The following AFAP1L2 variants were observed in gnomAD, a reference collection of about 807,000 sequenced individuals.
AFAP1L2 encodes the protein actin filament associated protein 1 like 2, also known as actin filament-associated protein 1-like 2.
Under a neutral mutation model 99.3 loss-of-function variants are expected in AFAP1L2, and 46 were observed. The observed-to-expected ratio is 0.46, with a 90% CI of 0.37 to 0.59. The LOEUF (loss-of-function observed/expected upper bound fraction) is 0.59, where lower values mean the gene tolerates loss of function less well. Among genes scored for constraint, AFAP1L2 ranks in the 20% least tolerant of loss-of-function variants. AFAP1L2 has a pLI of 0.00. For synonymous variants in AFAP1L2, 397 were observed against 419.1 expected (o/e 0.95, Z 0.64); for missense variants, 959 against 1,034.9 (o/e 0.93, Z 1.01).
chr10:114,391,034 G>A (rs1226042628), intron 1 of AFAP1L2, among the ~76,000 whole-genome samples: 1 of 151,990 alleles, frequency 6.6e-6, no homozygotes, highest in Non-Finnish European at 1.5e-5. Flanking sequence ...AATGTGCCTT[G>A]TATATCCTAA....
chr10:114,285,952 C>T, the AFAP1L2 span: 1 of 1,596,692 alleles, frequency 6.3e-7, no homozygotes, highest in South Asian at 1.1e-5. Context: ...TGAAGCTGAG[C>T]CTGGAATGCA....
intron 1 of AFAP1L2, among the ~76,000 whole-genome samples, chr10:114,388,167 C>A (rs1011888405): frequency 6.6e-6 from 1 of 152,170 alleles, no homozygotes; most frequent in Admixed American, 6.5e-5. Context: ...AGTGGCCACT[C>A]AGATGGGTGG....
At chr10:114,299,172 G>T (rs2040718238) in intron 16 of AFAP1L2, 88 bp downstream of exon 16, 1 of 1,507,034 alleles carries the variant, frequency 6.6e-7, no homozygotes, top group East Asian at 2.3e-5. Flanking sequence ...GATTGAGAAG[G>T]TGTGGTGACA....
chr10:114,307,969 G>A, intron 9 of AFAP1L2, 60 bp from the exon 10 acceptor site: 2 of 1,494,322 alleles, frequency 1.3e-6, no homozygotes, highest in African/African-American at 1.4e-5. Context: ...GTGCCCATGA[G>A]AGATGGAAAA....
At chr10:114,384,383 G>A (rs2056214163) in intron 1 of AFAP1L2, among the ~76,000 whole-genome samples, 1 of 151,572 alleles carries the variant, frequency 6.6e-6, no homozygotes, top group African/African-American at 2.4e-5. Flanking sequence ...CAGGCTCTCT[G>A]AGAAGGGCCA....
intron 1 of AFAP1L2, among the ~76,000 whole-genome samples, chr10:114,360,019 T>C (rs2052014793): frequency 6.6e-6 from 1 of 152,220 alleles, no homozygotes; most frequent in Non-Finnish European, 1.5e-5. Flanking sequence ...TCAACTTCAC[T>C]GGGTCACAGG....
downstream of AFAP1L2, chr10:114,290,040 A>G (rs2039410745): frequency 3.6e-6 from 2 of 560,478 alleles, no homozygotes; most frequent in Admixed American, 3.3e-5. Flanking sequence ...CGTCTGAGCA[A>G]TGGACTCTCC....
chr10:114,349,075 G>A (rs2050035872), intron 1 of AFAP1L2, among the ~76,000 whole-genome samples: 1 of 152,064 alleles, frequency 6.6e-6, no homozygotes, highest in African/African-American at 2.4e-5. Flanking sequence ...TGGACAGTAA[G>A]AGTGCAGAAG....
chr10:114,354,088 G>A (rs991641841), intron 1 of AFAP1L2, among the ~76,000 whole-genome samples: 5 of 152,120 alleles, frequency 3.3e-5, no homozygotes, highest in African/African-American at 9.7e-5. Context: ...CGGAACCTTC[G>A]CGCCTGAGTC....
At chr10:114,357,713 C>T (rs1253043031) in intron 1 of AFAP1L2, among the ~76,000 whole-genome samples, 3 of 152,132 alleles carry the variant, frequency 2.0e-5, no homozygotes, top group Non-Finnish European at 4.4e-5. Flanking sequence ...AAGAAGAATG[C>T]ATGTTGCAAT....
rs562376183 is a variant in AFAP1L2 at position 114,308,630 on chromosome 10, G to A, written c.883-113C>T. 38 of 916,196 alleles carry A rather than the reference G, an allele frequency of 4.1e-5. No individual in the cohort carries two copies. In the African/African-American group the frequency reaches 4.8e-4, roughly 11 times the overall value. The allele number at this position is 916,196 out of a possible 1,614,324, so 56.8% of individuals were successfully genotyped here. A position where few individuals can be genotyped will look rare whatever the true frequency, so the allele number is the denominator to read the frequency against. ...CTTGGTTGTATGCCAGAGGTCAGCT[G>A]AGCAAATCCCTGCCGGCCACCTAAA... On this transcript the variant is annotated intron_variant, in intron 8 of 18. Transcript: ENST00000304129.
chr10:114,285,893 C>T, the AFAP1L2 span: 2 of 1,529,228 alleles, frequency 1.3e-6, no homozygotes, highest in East Asian at 2.3e-5. Context: ...AGCTCGCATG[C>T]CGCATGACCA....
At chr10:114,341,561 TGAG>T (rs1241412233) in intron 1 of AFAP1L2, among the ~76,000 whole-genome samples, 1 of 149,396 alleles carries the variant, frequency 6.7e-6, no homozygotes, top group Non-Finnish European at 1.5e-5. Context: ...TGCAGTGAGC[TGAG>T]ATCACACCAC....
intron 1 of AFAP1L2, among the ~76,000 whole-genome samples, chr10:114,352,309 C>A (rs1056269360): frequency 2.0e-5 from 3 of 151,726 alleles, no homozygotes. Context: ...CCCGTCTCTA[C>A]TAAAAATACA....
At chr10:114,292,385 A>T (rs960384792), downstream of AFAP1L2, among the ~76,000 whole-genome samples, 1 of 152,108 alleles carries the variant, frequency 6.6e-6, no homozygotes, top group Non-Finnish European at 1.5e-5. Flanking sequence ...TTAAACTCAA[A>T]AATATAGGAT....
downstream of AFAP1L2, among the ~76,000 whole-genome samples, chr10:114,294,331 A>G (rs910011812): frequency 1.3e-5 from 2 of 152,234 alleles, no homozygotes; most frequent in African/African-American, 4.8e-5. Context: ...TGATATATTC[A>G]TAGTATTTTT....
intron 10 of AFAP1L2, 149 bp from the exon 11 acceptor site, chr10:114,305,079 G>C: frequency 1.6e-6 from 1 of 627,072 alleles, no homozygotes; most frequent in Non-Finnish European, 2.7e-6. Context: ...GAGGGGACTG[G>C]GCTCCAGGAG....
At chr10:114,302,531 C>G (rs776034097) in intron 11 of AFAP1L2, 47 bp from the exon 12 acceptor site, 3 of 1,609,972 alleles carry the variant, frequency 1.9e-6, no homozygotes, top group Non-Finnish European at 2.5e-6. Flanking sequence ...GCAGTGCTGC[C>G]TGGTGCCAGC....
intron 1 of AFAP1L2, among the ~76,000 whole-genome samples, chr10:114,392,038 G>C (rs2057217976): frequency 6.6e-6 from 1 of 152,160 alleles, no homozygotes; most frequent in Non-Finnish European, 1.5e-5. Flanking sequence ...AAGAAATCTA[G>C]GCTTATCTTA....
Sources: allele counts gnomAD v4.1 joint callset (sites outside exome capture counted in the v4.1 genomes callset), GRCh38; gene constraint gnomAD v4.1.1; transcripts MANE v1.5; gene names NCBI Gene and HGNC (gene_info 2026-07-23, HGNC 2026-07-21).